RYR1: variants seen among roughly 807,000 people sequenced by gnomAD.
The protein encoded by RYR1 is central core disease of muscle.
Under a neutral mutation model 583.5 loss-of-function variants are expected in RYR1, and 342 were observed. That is an observed-to-expected ratio of 0.59 (90% CI 0.54 to 0.64). The LOEUF is 0.64. RYR1 is among the 30% of genes least tolerant of loss of function. RYR1 has a pLI of 0.00. For missense variants in RYR1, 6,032 were observed against 6,917.2 expected (o/e 0.87, Z 4.54); for synonymous variants, 2,791 against 2,822.5 (o/e 0.99, Z 0.35).
At chr19:38,492,198 A>G (rs984535754) in intron 37 of RYR1, among the ~76,000 whole-genome samples, 1 of 151,942 alleles carries the variant, frequency 6.6e-6, no homozygotes, top group African/African-American at 2.4e-5. Context: ...CCCCATCTCT[A>G]CAGAAAAAGA....
At chr19:38,493,460 AG>A (rs1969647637) in intron 38 of RYR1, among the ~76,000 whole-genome samples, 1 of 149,854 alleles carries the variant, frequency 6.7e-6, no homozygotes, top group East Asian at 2.0e-4. Flanking sequence ...AATACAGCCG[AG>A]GGGGGAAAGT....
chr19:38,527,996 C>T, intron 73 of RYR1: 1 of 623,028 alleles, frequency 1.6e-6, no homozygotes, highest in East Asian at 2.8e-5. Flanking sequence ...AGGGAAGGGG[C>T]AGATCTTTAG....
intron 89 of RYR1, among the ~76,000 whole-genome samples, chr19:38,560,270 C>T (rs1041704912): frequency 2.6e-5 from 4 of 151,458 alleles, no homozygotes; most frequent in East Asian, 1.9e-4. Context: ...GGCTGAAGCA[C>T]GAGACTCATT....
intron 92 of RYR1, 139 bp downstream of exon 92, chr19:38,567,126 G>C: frequency 7.3e-7 from 1 of 1,375,494 alleles, no homozygotes; most frequent in Non-Finnish European, 9.9e-7. Flanking sequence ...CAGGCACGGA[G>C]GAGGGGCTCT....
At chr19:38,443,818 G>A in intron 5 of RYR1, 22 bp downstream of exon 5, 1 of 1,612,218 alleles carries the variant, frequency 6.2e-7, no homozygotes, top group Admixed American at 1.7e-5. Flanking sequence ...GGAGGGGATG[G>A]GGGTGTGAAG....
chr19:38,487,571 C>T (rs1969356770), intron 34 of RYR1, among the ~76,000 whole-genome samples: 1 of 152,070 alleles, frequency 6.6e-6, no homozygotes. Context: ...CCAGGCTGGT[C>T]TTGAACTCCT....
At chr19:38,504,514 T>C (rs779980383) in intron 50 of RYR1, among the ~76,000 whole-genome samples, 154 bp downstream of exon 50, 3 of 151,922 alleles carry the variant, frequency 2.0e-5, no homozygotes, top group African/African-American at 4.8e-5. Context: ...GAGGCTTCGA[T>C]TTGGAGGTTA....
chr19:38,567,491 A>G (rs530961157), intron 92 of RYR1, among the ~76,000 whole-genome samples: 2 of 152,140 alleles, frequency 1.3e-5, no homozygotes, highest in African/African-American at 4.8e-5. Context: ...TCCTAAGTTG[A>G]GGAGGTGTCT....
At chr19:38,510,613 C>T (rs1438137888) in intron 59 of RYR1, 47 bp from the exon 60 acceptor site, 4 of 1,612,752 alleles carry the variant, frequency 2.5e-6, no homozygotes, top group East Asian at 4.5e-5. Flanking sequence ...CTCATAGGCT[C>T]TCCCCACCCC....
chr19:38,492,645 T>TGG lies in RYR1; in HGVS notation c.6274+12_6274+13dup. The TGG allele has an allele frequency of 8.2e-7, 1 of 1,220,446 alleles. No homozygotes were observed. The highest frequency in any genetic ancestry group is 3.4e-5 in the East Asian group (1 of 29,020). 75.6% of individuals were successfully genotyped at this position (1,220,446 alleles called of 1,614,324 possible). On this transcript the variant is annotated intron_variant, in intron 38 of 105. Coordinates refer to ENST00000359596, the MANE Select transcript of RYR1 (RefSeq NM_000540.3). The stretch of plus-strand genomic sequence containing the variant: ...AGAGGAGAGCAAACCCCGTGAGGAC[T>TGG]GGGGTCACTGGGGAGAGGGCAGGGG...
chr19:38,491,339 T>C (rs1279036668), intron 37 of RYR1, among the ~76,000 whole-genome samples: 1 of 152,178 alleles, frequency 6.6e-6, no homozygotes, highest in Non-Finnish European at 1.5e-5. Flanking sequence ...TCAAATACTT[T>C]TCTGCCCCTT....
At chr19:38,439,897 T>A (rs932692546) in intron 1 of RYR1, among the ~76,000 whole-genome samples, 1 of 152,162 alleles carries the variant, frequency 6.6e-6, no homozygotes, top group Non-Finnish European at 1.5e-5. Context: ...TAAATAAAGA[T>A]AAAATAGCAG....
intron 42 of RYR1, among the ~76,000 whole-genome samples, chr19:38,497,878 G>T (rs1039980544): frequency 6.6e-6 from 1 of 152,142 alleles, no homozygotes; most frequent in Non-Finnish European, 1.5e-5. Context: ...GGAGGCTAAG[G>T]TGGGAGGATT....
rs773708263 is a variant in RYR1, at chr19:38,473,575, G to T, written c.3964G>T (p.Ala1322Ser). Residue 1322 changes from alanine (A) to serine (S), a missense_variant, in exon 28 of 106, where the codon GCC (alanine) becomes TCC (serine). By Grantham distance (99) the Ala-to-Ser change is moderately conservative (BLOSUM62 1). This residue lies in a region of RYR1 where 2,627 missense variants were observed against 2,961.3 expected (regional missense o/e 0.89). Transcript: ENST00000359596. ...CCTGCAGCCCCCCGCCGAGGACGAGGCCCGGGCGGCGGAACCCGACCCTGA... is the reference window on the plus strand; with the variant it reads ...CCTGCAGCCCCCCGCCGAGGACGAGTCCCGGGCGGCGGAACCCGACCCTGA... ...PGLQPPAEDE[A>S]RAAEPDPDYE... The T allele has an allele frequency of 7.5e-6, 12 of 1,595,082 alleles. No homozygotes were observed. The South Asian group carries it at 1.3e-4, about 18-fold the overall frequency.
At chr19:38,451,944 C>T in intron 12 of RYR1, 59 bp downstream of exon 12, 1 of 1,611,912 alleles carries the variant, frequency 6.2e-7, no homozygotes, top group Non-Finnish European at 8.5e-7. Flanking sequence ...CTCCGGGCAT[C>T]CATACACTTG....
Position 38,496,484 on chromosome 19 carries a change from C to A in RYR1, c.6739C>A (p.Gln2247Lys). The stretch of plus-strand genomic sequence containing the variant: ...TTTCTGCCGAATCAGCCGGCAGAAC[C>A]AGCGCTCCATGTTTGACCACCTGAG... ...CYFCRISRQN[Q>K]RSMFDHLSYL... Residue 2247 changes from glutamine to lysine, a missense_variant, in exon 41 of 106, where the codon CAG (glutamine) becomes AAG (lysine). Coordinates refer to ENST00000359596, the MANE Select transcript of RYR1 (RefSeq NM_000540.3). This position sits in a 1 kb window ranked among gnomAD's most constrained non-coding sequence, Gnocchi z 4.8. The A allele has an allele frequency of 6.2e-7, 1 of 1,613,720 alleles. No homozygotes were observed. The highest frequency in any genetic ancestry group is 8.5e-7 in the Non-Finnish European group (1 of 1,180,032).
At chr19:38,469,950 G>T (rs1968331796) in intron 27 of RYR1, among the ~76,000 whole-genome samples, 1 of 151,984 alleles carries the variant, frequency 6.6e-6, no homozygotes, top group Non-Finnish European at 1.5e-5. Flanking sequence ...TGCACATATA[G>T]CCCTAGCTAC....
chr19:38,564,009 A>T (rs1973271043), intron 90 of RYR1, among the ~76,000 whole-genome samples: 1 of 152,214 alleles, frequency 6.6e-6, no homozygotes, highest in African/African-American at 2.4e-5. Context: ...GCCTGGCCTT[A>T]TTGAAGCATT....
chr19:38,450,337 GT>G (rs1265339662), intron 11 of RYR1, among the ~76,000 whole-genome samples: 1 of 152,082 alleles, frequency 6.6e-6, no homozygotes, highest in Non-Finnish European at 1.5e-5. Context: ...AAGGGGAGGG[GT>G]TGAGGATGAT....
Sources: gnomAD v4.1 joint callset for allele counts (sites outside exome capture counted in the v4.1 genomes callset) on GRCh38, gnomAD v4.1.1 for gene constraint, gnomAD v4.1.1 regional missense constraint, Gnocchi (gnomAD v3.1) non-coding constraint, MANE v1.5 for transcripts, NCBI Gene and HGNC (gene_info 2026-07-23, HGNC 2026-07-21) for gene names.